The following NCKAP5 variants were observed in gnomAD, a reference collection of about 807,000 sequenced individuals.
NCKAP5 encodes the protein nck-associated protein 5.
NCKAP5 carries 92 observed loss-of-function variants against 167.0 expected under a neutral mutation model. The ratio of observed to expected loss-of-function variants is 0.55; its 90% confidence interval spans 0.47 to 0.66. The LOEUF (loss-of-function observed/expected upper bound fraction) is 0.66, where lower values mean the gene tolerates loss of function less well. Among genes scored for constraint, NCKAP5 ranks in the 30% least tolerant of loss-of-function variants. NCKAP5 has a pLI of 0.00. For synonymous variants in NCKAP5, 891 were observed against 877.4 expected, an observed-to-expected ratio of 1.02 and a Z score of -0.27; for missense variants, 2,378 against 2,315.0, an observed-to-expected ratio of 1.03 and a Z score of -0.56.
intron 15 of NCKAP5, among the ~76,000 whole-genome samples, chr2:132,774,533 C>T (rs1682381549): frequency 6.6e-6 from 1 of 152,020 alleles, no homozygotes; most frequent in African/African-American, 2.4e-5. Context: ...AAGGCCCAGG[C>T]ACTAGATTGG....
chr2:132,817,440 A>C (rs1686363387), intron 11 of NCKAP5, among the ~76,000 whole-genome samples: 4 of 93,212 alleles, frequency 4.3e-5, no homozygotes, highest in Admixed American at 4.2e-4. Context: ...ATATGTTACA[A>C]GAAATAAAAA....
rs561606263 is a variant in NCKAP5 at position 132,792,698 on chromosome 2, G to A, written c.910-2493C>T. Among the ~76,000 whole-genome samples the A allele has an allele frequency of 5.9e-5, 9 of 152,284 alleles. No individual in the cohort carries two copies. In the South Asian group the frequency reaches 1.9e-3, roughly 32 times the overall value. On this transcript the variant is annotated intron_variant, in intron 12 of 19. Transcript: ENST00000409261. ...AACTCCAATGACCTTTCTGCACTCTGCCTGGCTATTGGTTACAGTTTACAT... is the reference window on the plus strand; with the variant it reads ...AACTCCAATGACCTTTCTGCACTCTACCTGGCTATTGGTTACAGTTTACAT...
intron 6 of NCKAP5, among the ~76,000 whole-genome samples, chr2:132,996,054 A>G (rs2077590392): frequency 6.6e-6 from 1 of 152,236 alleles, no homozygotes; most frequent in Admixed American, 6.5e-5. Context: ...ACGCAGGGTC[A>G]GGATCATCAG....
At chr2:133,536,315 A>G (rs1180686173) in intron 2 of NCKAP5, among the ~76,000 whole-genome samples, 3 of 152,104 alleles carry the variant, frequency 2.0e-5, no homozygotes, top group Non-Finnish European at 4.4e-5. Context: ...ATTTTTATAT[A>G]TGGTGAGAGG....
At chr2:132,755,121 T>C (rs1320701738) in intron 16 of NCKAP5, among the ~76,000 whole-genome samples, 1 of 152,262 alleles carries the variant, frequency 6.6e-6, no homozygotes, top group African/African-American at 2.4e-5. Context: ...CTAGCATTTT[T>C]CCCATTAGCT....
At chr2:132,780,678 T>C (rs1682953554) in intron 15 of NCKAP5, among the ~76,000 whole-genome samples, 1 of 152,230 alleles carries the variant, frequency 6.6e-6, no homozygotes, top group Non-Finnish European at 1.5e-5. Flanking sequence ...TTTAAAATCA[T>C]GTTCATTCCT....
At chr2:133,107,868 A>G (rs564526137) in intron 6 of NCKAP5, among the ~76,000 whole-genome samples, 4 of 152,336 alleles carry the variant, frequency 2.6e-5, no homozygotes, top group African/African-American at 9.6e-5. Flanking sequence ...TTTAAACATT[A>G]TCTAGTCCAT....
At chr2:133,589,191 G>A in the NCKAP5 span, among the ~76,000 whole-genome samples, 1 of 152,356 alleles carries the variant, frequency 6.6e-6, no homozygotes, top group African/African-American at 2.4e-5. Context: ...AATCCAGAGA[G>A]TGACATGGCT....
At chr2:133,647,413 A>G in the NCKAP5 span, among the ~76,000 whole-genome samples, 3 of 123,888 alleles carry the variant, frequency 2.4e-5, no homozygotes, top group African/African-American at 1.1e-4. Context: ...GGAAGGAAGG[A>G]AGGAAGAGAA....
chr2:133,406,770 T>C (rs530272544), intron 3 of NCKAP5, among the ~76,000 whole-genome samples: 7 of 152,324 alleles, frequency 4.6e-5, no homozygotes, highest in Non-Finnish European at 8.8e-5. Context: ...CCAGACACTG[T>C]CTATACTGTC....
intron 3 of NCKAP5, among the ~76,000 whole-genome samples, chr2:133,316,543 A>T (rs1681622704): frequency 6.6e-6 from 1 of 152,222 alleles, no homozygotes; most frequent in Non-Finnish European, 1.5e-5. Flanking sequence ...TTATGCACTA[A>T]CACATAAACC....
chr2:132,772,546 C>A (rs1268481278), intron 16 of NCKAP5, among the ~76,000 whole-genome samples: 1 of 152,150 alleles, frequency 6.6e-6, no homozygotes. Context: ...GATGACTCAG[C>A]AGGGCTTTGC....
intron 3 of NCKAP5, among the ~76,000 whole-genome samples, chr2:133,341,488 T>G (rs1213491445): frequency 1.1e-4 from 17 of 152,328 alleles, no homozygotes. Context: ...TCACTCCATC[T>G]TCAGGTCCAC....
At chr2:133,239,704 G>A (rs2087591883) in intron 4 of NCKAP5, among the ~76,000 whole-genome samples, 1 of 152,110 alleles carries the variant, frequency 6.6e-6, no homozygotes, top group Non-Finnish European at 1.5e-5. Flanking sequence ...AAGAGTTTCT[G>A]AAGGAAACTA....
intron 3 of NCKAP5, among the ~76,000 whole-genome samples, chr2:133,373,765 A>G (rs996309094): frequency 2.6e-5 from 4 of 152,240 alleles, no homozygotes; most frequent in African/African-American, 9.6e-5. Flanking sequence ...ACAGAAACAG[A>G]CCCATATAAA....
At chr2:132,954,996 C>T (rs985283563) in intron 8 of NCKAP5, among the ~76,000 whole-genome samples, 2 of 152,164 alleles carry the variant, frequency 1.3e-5, no homozygotes, top group South Asian at 2.1e-4. Flanking sequence ...AAGATAAATG[C>T]CAGATACTTT....
chr2:132,769,495 A>G (rs1156340233), intron 16 of NCKAP5, among the ~76,000 whole-genome samples: 1 of 148,894 alleles, frequency 6.7e-6, no homozygotes, highest in Non-Finnish European at 1.5e-5. Context: ...GACAACATGA[A>G]GAACAGTGGT....
intron 3 of NCKAP5, among the ~76,000 whole-genome samples, chr2:133,467,407 T>C (rs1365121968): frequency 6.6e-6 from 1 of 152,238 alleles, no homozygotes; most frequent in Non-Finnish European, 1.5e-5. Flanking sequence ...CTGGATTCAT[T>C]TTGCCAGTAT....
intron 3 of NCKAP5, among the ~76,000 whole-genome samples, chr2:133,393,642 A>G (rs760379136): frequency 3.3e-5 from 5 of 152,258 alleles, no homozygotes; most frequent in Non-Finnish European, 7.3e-5. Context: ...AAGTTCTAAT[A>G]TTTATGAAAG....
Sources: allele counts gnomAD v4.1 joint callset (sites outside exome capture counted in the v4.1 genomes callset), GRCh38; gene constraint gnomAD v4.1.1; transcripts MANE v1.5; gene names NCBI Gene and HGNC (gene_info 2026-07-23, HGNC 2026-07-21).